Variants in ANO2 observed in about 807,000 individuals in gnomAD.
ANO2 encodes anoctamin-2.
Under a neutral mutation model 124.2 loss-of-function variants are expected in ANO2, and 101 were observed. The ratio of observed to expected loss-of-function variants is 0.81; its 90% confidence interval spans 0.69 to 0.96. The LOEUF (loss-of-function observed/expected upper bound fraction) is 0.96, where lower values mean the gene tolerates loss of function less well. Among genes scored for constraint, ANO2 ranks in the 40% least tolerant of loss-of-function variants. The probability of loss-of-function intolerance (pLI) is 0.00; values close to 1 mark genes in which losing one functional copy is unlikely to be tolerated. For synonymous variants in ANO2, 486 were observed against 482.5 expected (o/e 1.01, Z -0.09); for missense variants, 1,293 against 1,274.5 (o/e 1.01, Z -0.22).
At chr12:5,715,984 T>C (rs1038011301) in intron 14 of ANO2, among the ~76,000 whole-genome samples, 1 of 152,232 alleles carries the variant, frequency 6.6e-6, no homozygotes, top group East Asian at 1.9e-4. Context: ...TTTAATAAGA[T>C]TGACAACTTC....
At chr12:5,851,275 C>T (rs1485670363) in intron 4 of ANO2, among the ~76,000 whole-genome samples, 1 of 152,156 alleles carries the variant, frequency 6.6e-6, no homozygotes, top group Admixed American at 6.5e-5. Context: ...CAAAACTATG[C>T]TCTAAAAAGC....
At chr12:5,604,383 C>T (rs1396461130) in intron 19 of ANO2, among the ~76,000 whole-genome samples, 3 of 152,156 alleles carry the variant, frequency 2.0e-5, no homozygotes, top group Non-Finnish European at 4.4e-5. Flanking sequence ...ATATCTGTGC[C>T]TAGAGCCCTG....
At chr12:5,891,991 G>A (rs1477559824) in intron 3 of ANO2, among the ~76,000 whole-genome samples, 1 of 151,812 alleles carries the variant, frequency 6.6e-6, no homozygotes, top group East Asian at 1.9e-4. Flanking sequence ...TCTGACCAAT[G>A]CTTTAAAGTA....
intron 10 of ANO2, among the ~76,000 whole-genome samples, chr12:5,774,969 G>C (rs955624830): frequency 6.6e-6 from 1 of 152,312 alleles, no homozygotes; most frequent in Middle Eastern, 3.4e-3. Flanking sequence ...CATTTATTGA[G>C]CACCTACACT....
intron 3 of ANO2, among the ~76,000 whole-genome samples, chr12:5,875,658 A>G (rs578106214): frequency 4.6e-4 from 70 of 152,276 alleles, no homozygotes; most frequent in Non-Finnish European, 6.9e-4. Flanking sequence ...CATCAAACAC[A>G]TCAGGCCGCT....
At chr12:5,739,455 T>C in intron 12 of ANO2, 56 bp from the exon 13 acceptor site, 1 of 1,468,052 alleles carries the variant, frequency 6.8e-7, no homozygotes, top group Non-Finnish European at 9.3e-7. Flanking sequence ...GTGGATTCTG[T>C]ACCCTTTGGG....
At chr12:5,892,363 T>A (rs1418914799) in intron 3 of ANO2, among the ~76,000 whole-genome samples, 2 of 151,742 alleles carry the variant, frequency 1.3e-5, no homozygotes, top group East Asian at 1.9e-4. Context: ...TAGAAAAAAA[T>A]TTGAAAATAT....
At chr12:5,674,227 A>G (rs556882005) in intron 14 of ANO2, among the ~76,000 whole-genome samples, 2 of 152,346 alleles carry the variant, frequency 1.3e-5, no homozygotes, top group South Asian at 4.1e-4. Flanking sequence ...TTAAGTTTGC[A>G]GTAGCTAATG....
Position 5,770,900 on chromosome 12 carries a change from C to T in ANO2, c.1056-19930G>A, listed in dbSNP as rs558026115. Among the ~76,000 whole-genome samples the T allele has an allele frequency of 2.6e-5, 4 of 152,328 alleles. No individual in the cohort carries two copies. In the South Asian group the frequency reaches 8.3e-4, roughly 32 times the overall value. On this transcript the variant is annotated intron_variant, in intron 10 of 24. Transcript: ENST00000682330. ...CATGCCTCTGCCATGGTTGTGCCCT[C>T]TTCTCATGCTCACTCCCCTACCTCC...
At position 5,811,836 on chromosome 12, in the gene ANO2, T is replaced by G. The variant is rs188884824; in HGVS notation, c.893-4468A>C. Among the ~76,000 whole-genome samples, 4 of 152,320 alleles carry G rather than the reference T, an allele frequency of 2.6e-5. No individual in the cohort carries two copies. The East Asian group carries it at 7.7e-4, about 29-fold the overall frequency. ...CTCACAAATATTTTCAGTCTCTGAA[T>G]GTGATGGGCATTAATCCATAATCTC... On this transcript the variant is annotated intron_variant, in intron 7 of 24. Transcript: ENST00000682330.
chr12:5,636,042 A>G lies in ANO2; in HGVS notation c.1621-695T>C, dbSNP rs138851845. Among the ~76,000 whole-genome samples the G allele has an allele frequency of 1.4e-4, 21 of 152,236 alleles. No homozygotes were observed. The East Asian group carries it at 3.9e-3, about 28-fold the overall frequency. On this transcript the variant is annotated intron_variant, in intron 15 of 24. Transcript: ENST00000682330. The surrounding 1 kb of genome is among the most constrained non-coding windows in gnomAD (Gnocchi z 4.6). ...CAGTCCTCAAGATGAACAAAATATC[A>G]CTGTAAGATTTCTCTACTAGGTGAC...
intron 13 of ANO2, among the ~76,000 whole-genome samples, chr12:5,735,937 A>T (rs1950842761): frequency 6.6e-6 from 1 of 152,214 alleles, no homozygotes; most frequent in Non-Finnish European, 1.5e-5. Flanking sequence ...GGTGGGCAGG[A>T]TATCTGTGTT....
chr12:5,934,029 T>C (rs1301206305), intron 1 of ANO2, among the ~76,000 whole-genome samples: 1 of 152,240 alleles, frequency 6.6e-6, no homozygotes, highest in Non-Finnish European at 1.5e-5. Flanking sequence ...TGAAACAGGA[T>C]GGATTCCCCT....
At chr12:5,755,693 A>G (rs535529073) in intron 10 of ANO2, among the ~76,000 whole-genome samples, 1 of 152,202 alleles carries the variant, frequency 6.6e-6, no homozygotes, top group South Asian at 2.1e-4. Context: ...GCTGAGAATG[A>G]TGGTTTCCAG....
At chr12:5,760,173 G>A (rs1221848512) in intron 10 of ANO2, among the ~76,000 whole-genome samples, 3 of 151,994 alleles carry the variant, frequency 2.0e-5, no homozygotes, top group Admixed American at 6.5e-5. Flanking sequence ...AATTAAAATC[G>A]ATTTCTTTTG....
intron 14 of ANO2, among the ~76,000 whole-genome samples, chr12:5,673,555 A>G (rs1181786711): frequency 6.6e-6 from 1 of 152,236 alleles, no homozygotes; most frequent in East Asian, 1.9e-4. Flanking sequence ...GCCTAACTGT[A>G]CTAAAGCTTT....
intron 14 of ANO2, among the ~76,000 whole-genome samples, chr12:5,731,974 CAGACTAAT>C (rs765044896): frequency 4.6e-5 from 7 of 152,196 alleles, no homozygotes; most frequent in Admixed American, 1.3e-4. Flanking sequence ...GTTAGAGGCA[CAGACTAAT>C]AGACCTGCAG....
intron 3 of ANO2, among the ~76,000 whole-genome samples, chr12:5,911,188 C>T (rs1234909759): frequency 6.6e-6 from 1 of 152,150 alleles, no homozygotes; most frequent in Non-Finnish European, 1.5e-5. Flanking sequence ...AAAGCAGGGG[C>T]CATGTCTTAT....
At chr12:5,611,260 C>A (rs202179452) in intron 19 of ANO2, among the ~76,000 whole-genome samples, 1 of 152,174 alleles carries the variant, frequency 6.6e-6, no homozygotes, top group Non-Finnish European at 1.5e-5. Context: ...TGAGCCACCA[C>A]ACCTGGCCAG....
Sources: gnomAD v4.1 joint callset for allele counts (sites outside exome capture counted in the v4.1 genomes callset) on GRCh38, gnomAD v4.1.1 for gene constraint, Gnocchi (gnomAD v3.1) non-coding constraint, MANE v1.5 for transcripts, NCBI Gene and HGNC (gene_info 2026-07-23, HGNC 2026-07-21) for gene names.